Variants in SEC24B observed in about 807,000 individuals in gnomAD.
SEC24B encodes the protein SEC24 homolog B, COPII component.
Under a neutral mutation model 142.8 loss-of-function variants are expected in SEC24B, and 45 were observed. The observed-to-expected ratio is 0.32, with a 90% confidence interval of 0.25 to 0.40. The LOEUF (loss-of-function observed/expected upper bound fraction) is 0.40, where lower values mean the gene tolerates loss of function less well. Among genes scored for constraint, SEC24B ranks in the 10% least tolerant of loss-of-function variants. SEC24B has a pLI of 1.00. For missense variants in SEC24B, 1,409 were observed against 1,526.8 expected (o/e 0.92, Z 1.29); for synonymous variants, 574 against 568.2 (o/e 1.01, Z -0.15).
In SEC24B at chr4:109,483,003, C is replaced by CACACACACACACACACACACAT. The variant is rs1408633373; in HGVS notation, c.1165+1223_1165+1224insCACACACACACACACACACATA. On this transcript the variant is annotated intron_variant, in intron 4 of 23. Coordinates refer to ENST00000265175, the MANE Select transcript of SEC24B (RefSeq NM_006323.5). Reference sequence around the variant, plus strand: ...ATACACACACACACACACACACACACATATTATACATATGTTTTTTATATA... The same window carrying CACACACACACACACACACACAT: ...ATACACACACACACACACACACACACACACACACACACACACACACATATATTATACATATGTTTTTTATATA... Among the ~76,000 whole-genome samples, 27 of 84,074 alleles carry CACACACACACACACACACACAT rather than the reference C, an allele frequency of 3.2e-4. 2 individuals are homozygous for CACACACACACACACACACACAT. The highest frequency in any genetic ancestry group is 1.6e-3 in the African/African-American group (20 of 12,192). The allele number at this position is 84,074 out of a possible 152,430, so 55.2% of individuals were successfully genotyped here.
At chr4:109,534,850 ATT>A (rs915214103) in intron 22 of SEC24B, among the ~76,000 whole-genome samples, 3 of 151,940 alleles carry the variant, frequency 2.0e-5, no homozygotes, top group Non-Finnish European at 2.9e-5. Context: ...AATTAAAAAA[ATT>A]TTTTTTCTAG....
Position 109,462,975 on chromosome 4 carries a change from C to G in SEC24B, c.208C>G (p.His70Asp). Residue 70 changes from histidine to aspartate, a missense_variant, in exon 2 of 24, where the codon CAT becomes GAT. His to Asp is a moderately conservative substitution (Grantham distance 81, BLOSUM62 -1). Coordinates refer to ENST00000265175, the MANE Select transcript of SEC24B (RefSeq NM_006323.5). ...TCAAAACTATATTGCTCCCTCAGGA[C>G]ATTACTCTCAAGGACCTGGGAAAAT... ...HHQNYIAPSG[H>D]YSQGPGKMTS... is the part of the protein sequence containing the mutation. 6.2e-7 allele frequency: 1 copy of G among 1,613,978 alleles called. No homozygotes were observed. Among genetic ancestry groups the G allele is most frequent in the Non-Finnish European group, 8.5e-7 (1 of 1,180,016 alleles).
chr4:109,527,562 G>A, intron 18 of SEC24B, 130 bp downstream of exon 18: 1 of 630,642 alleles, frequency 1.6e-6, no homozygotes, highest in East Asian at 2.9e-5. Flanking sequence ...CACGAGGTCA[G>A]GAGTTTGAGA....
At chr4:109,530,579 T>C (rs1375736842) in intron 19 of SEC24B, 115 bp downstream of exon 19, 5 of 862,696 alleles carry the variant, frequency 5.8e-6, no homozygotes, top group African/African-American at 1.7e-5. Flanking sequence ...TTATTCACTT[T>C]AGCATTGAAA....
chr4:109,527,548 G>A (rs890858936), intron 18 of SEC24B, 116 bp downstream of exon 18: 39 of 674,340 alleles, frequency 5.8e-5, no homozygotes, highest in Non-Finnish European at 9.0e-5. Flanking sequence ...TGAGGCGGAC[G>A]GACCACGAGG....
chr4:109,481,180 CTG>C (rs554016945), intron 3 of SEC24B, among the ~76,000 whole-genome samples: 10 of 151,850 alleles, frequency 6.6e-5, no homozygotes, highest in Non-Finnish European at 1.5e-4. Context: ...TTTTCTTTAA[CTG>C]TGATTCTTCT....
At chr4:109,467,202 T>A (rs1252230576) in intron 2 of SEC24B, among the ~76,000 whole-genome samples, 2 of 150,996 alleles carry the variant, frequency 1.3e-5, no homozygotes, top group Non-Finnish European at 2.9e-5. Flanking sequence ...AGCGGGCGCC[T>A]GTAGTCCCAG....
chr4:109,512,014 A>G lies in SEC24B; in HGVS notation c.1834A>G (p.Ile612Val), dbSNP rs769109489. The change falls in exon 9 of 24, where the codon ATT becomes GTT. Residue 612 changes from isoleucine (I) to valine (V), a missense_variant. Physicochemically the swap from Ile to Val is conservative, Grantham distance 29. Coordinates refer to ENST00000265175, the MANE Select transcript of SEC24B (RefSeq NM_006323.5). ...IVRCRSCRTYINPFVSFIDQR... is the reference protein window; with the variant it reads ...IVRCRSCRTYVNPFVSFIDQR... The stretch of plus-strand genomic sequence containing the variant: ...GAGGTGCCGATCCTGTCGAACGTAT[A>G]TTAACCCCTTTGTATCCTTCATTGA... 4.3e-6 allele frequency: 7 copies of G among 1,613,282 alleles called. No homozygotes were observed. The South Asian group carries it at 7.7e-5, about 18-fold the overall frequency.
chr4:109,517,591 G>A (rs905635749), intron 11 of SEC24B, among the ~76,000 whole-genome samples: 2 of 152,090 alleles, frequency 1.3e-5, no homozygotes, highest in Non-Finnish European at 2.9e-5. Flanking sequence ...GATGAGAATT[G>A]TTGTGTTCTC....
intron 7 of SEC24B, 47 bp downstream of exon 7, chr4:109,506,559 T>G: frequency 8.1e-7 from 1 of 1,238,598 alleles, no homozygotes; most frequent in Non-Finnish European, 1.1e-6. Context: ...ATGAAAACAT[T>G]GTATGACTTT....
Position 109,481,738 on chromosome 4 carries a change from A to G in SEC24B, c.1122A>G (p.Ser374=). The change falls in exon 4 of 24, where the codon TCA becomes TCG. Residue 374 remains serine (S), a synonymous_variant. Transcript: ENST00000265175. The part of the protein sequence containing the change: ...QASSAPTPLS[S]TSDDEEEEEE... ...GCTCCGCACCAACTCCCTTGTCATCAACTTCCGATGATGAGGAAGAGGAGG... is the reference window on the plus strand; with the variant it reads ...GCTCCGCACCAACTCCCTTGTCATCGACTTCCGATGATGAGGAAGAGGAGG... 1 of 1,613,890 alleles carries G rather than the reference A, an allele frequency of 6.2e-7. No individual in the cohort carries two copies.
chr4:109,445,499 G>T (rs1380114272), intron 1 of SEC24B, among the ~76,000 whole-genome samples: 1 of 150,520 alleles, frequency 6.6e-6, no homozygotes, highest in African/African-American at 2.4e-5. Context: ...TGATCCGCCC[G>T]TCTCAGCCTC....
At chr4:109,482,961 T>TACACAC (rs1284270282) in intron 4 of SEC24B, among the ~76,000 whole-genome samples, 5 of 56,906 alleles carry the variant, frequency 8.8e-5, no homozygotes, top group African/African-American at 6.0e-4. Context: ...TATATATATA[T>TACACAC]ATATATATAT....
intron 4 of SEC24B, among the ~76,000 whole-genome samples, chr4:109,489,160 A>C (rs1734716320): frequency 6.6e-6 from 1 of 152,066 alleles, no homozygotes; most frequent in Non-Finnish European, 1.5e-5. Context: ...CTTTGATGTC[A>C]TATCTAAAAA....
chr4:109,520,567 A>G, intron 12 of SEC24B, 83 bp downstream of exon 12: 2 of 798,416 alleles, frequency 2.5e-6, no homozygotes, highest in East Asian at 2.4e-5. Context: ...ACCTTGCTAT[A>G]TGCTGTGAGG....
intron 4 of SEC24B, among the ~76,000 whole-genome samples, chr4:109,482,771 G>A (rs1028137924): frequency 1.1e-4 from 17 of 149,726 alleles, no homozygotes; most frequent in Non-Finnish European, 1.6e-4. Flanking sequence ...CCACATAGCT[G>A]AGACTACAGG....
intron 6 of SEC24B, among the ~76,000 whole-genome samples, chr4:109,502,843 T>A (rs907017846): frequency 1.3e-5 from 2 of 152,108 alleles, no homozygotes; most frequent in Non-Finnish European, 2.9e-5. Context: ...AAGCAAAAAA[T>A]TTTTTTATAA....
At chr4:109,526,532 T>A in intron 17 of SEC24B, 133 bp downstream of exon 17, 1 of 575,012 alleles carries the variant, frequency 1.7e-6, no homozygotes, top group East Asian at 3.2e-5. Flanking sequence ...TAATCAAACA[T>A]ATGTTGTTAT....
chr4:109,482,936 CTATATATATATATATATATATATA>C (rs775978447), intron 4 of SEC24B, among the ~76,000 whole-genome samples: 15 of 34,624 alleles, frequency 4.3e-4, no homozygotes, highest in East Asian at 1.0e-3. Context: ...CAGGCTTGTA[CTATATATATATATATATATATATA>C]TATATATATA....
Sources: gnomAD v4.1 joint callset for allele counts (sites outside exome capture counted in the v4.1 genomes callset) on GRCh38, gnomAD v4.1.1 for gene constraint, MANE v1.5 for transcripts, NCBI Gene and HGNC (gene_info 2026-07-23, HGNC 2026-07-21) for gene names.